Variants in GRID2 observed in about 807,000 individuals in gnomAD.
GRID2 encodes glutamate receptor ionotropic, delta-2.
In GRID2, 33 loss-of-function variants were observed where a neutral mutation model predicts 114.8. The observed-to-expected ratio is 0.29, with a 90% CI of 0.22 to 0.38. GRID2 has a LOEUF of 0.38. Among genes scored for constraint, GRID2 ranks in the 10% least tolerant of loss-of-function variants. The pLI, the probability that GRID2 is intolerant of heterozygous loss-of-function variation, is 1.00. For synonymous variants in GRID2, 505 were observed against 449.9 expected (o/e 1.12, Z -1.55); for missense variants, 1,184 against 1,257.7 (o/e 0.94, Z 0.89).
chr4:93,759,701 G>A (rs1031885172), intron 14 of GRID2, among the ~76,000 whole-genome samples: 7 of 152,126 alleles, frequency 4.6e-5, no homozygotes, highest in Admixed American at 2.6e-4. Context: ...CCATGATAAT[G>A]AATTCATCTG....
chr4:92,696,253 G>A (rs1328422736), intron 2 of GRID2, among the ~76,000 whole-genome samples: 1 of 152,026 alleles, frequency 6.6e-6, no homozygotes. Flanking sequence ...CATAATATGG[G>A]GAATAATAAG....
At chr4:93,409,418 A>C (rs1465193335) in intron 9 of GRID2, among the ~76,000 whole-genome samples, 1 of 152,142 alleles carries the variant, frequency 6.6e-6, no homozygotes, top group Non-Finnish European at 1.5e-5. Flanking sequence ...TAGGTAAGGG[A>C]AAGTCAGATC....
chr4:92,321,009 T>C (rs1377256830), intron 1 of GRID2, among the ~76,000 whole-genome samples: 3 of 152,198 alleles, frequency 2.0e-5, no homozygotes, highest in Non-Finnish European at 4.4e-5. Flanking sequence ...ATAATTTCTT[T>C]TATAGTTTCA....
intron 4 of GRID2, among the ~76,000 whole-genome samples, chr4:93,147,720 A>G (rs994996595): frequency 6.6e-6 from 1 of 152,186 alleles, no homozygotes; most frequent in East Asian, 1.9e-4. Flanking sequence ...TGTCTTCTCT[A>G]TAGGATCTTA....
chr4:92,464,567 CT>C (rs2149090449), intron 1 of GRID2, among the ~76,000 whole-genome samples: 1 of 151,994 alleles, frequency 6.6e-6, no homozygotes, highest in Admixed American at 6.6e-5. Flanking sequence ...AGTTTTAAGA[CT>C]TTCAAAAATC....
intron 2 of GRID2, among the ~76,000 whole-genome samples, chr4:92,605,113 T>C (rs1414765664): frequency 1.3e-5 from 2 of 152,096 alleles, no homozygotes; most frequent in Non-Finnish European, 2.9e-5. Flanking sequence ...TTCCCAGCCA[T>C]GCTGAACTGT....
chr4:92,686,867 C>G (rs1272274026), intron 2 of GRID2, among the ~76,000 whole-genome samples: 1 of 152,042 alleles, frequency 6.6e-6, no homozygotes, highest in African/African-American at 2.4e-5. Context: ...AAGTAGATCA[C>G]AGGTTTAATA....
chr4:92,543,740 A>G (rs1286423789), intron 1 of GRID2, among the ~76,000 whole-genome samples: 2 of 152,172 alleles, frequency 1.3e-5, no homozygotes, highest in Non-Finnish European at 2.9e-5. Flanking sequence ...TTAACATTTT[A>G]TGTTGGTACA....
At chr4:92,357,682 G>T (rs556341535) in intron 1 of GRID2, among the ~76,000 whole-genome samples, 46 of 151,814 alleles carry the variant, frequency 3.0e-4, no homozygotes, top group Middle Eastern at 6.8e-3. Flanking sequence ...ATAATAAAAA[G>T]ATTAATTAAA....
chr4:92,360,589 G>T (rs1728568696), intron 1 of GRID2, among the ~76,000 whole-genome samples: 1 of 152,034 alleles, frequency 6.6e-6, no homozygotes, highest in Non-Finnish European at 1.5e-5. Flanking sequence ...ACAAGTGAAA[G>T]TAGAGTCACA....
chr4:92,987,672 T>C (rs1034992274), intron 2 of GRID2, among the ~76,000 whole-genome samples: 1 of 152,044 alleles, frequency 6.6e-6, no homozygotes, highest in South Asian at 2.1e-4. Context: ...GTAATTATAG[T>C]TTTTTCTTCT....
At chr4:93,703,182 A>G (rs1459851502) in intron 14 of GRID2, among the ~76,000 whole-genome samples, 4 of 152,086 alleles carry the variant, frequency 2.6e-5, no homozygotes, top group Non-Finnish European at 5.9e-5. Context: ...CCTATTGTAA[A>G]TTGCTAGCTA....
At chr4:93,085,392 G>T (rs1342203330) in intron 3 of GRID2, 113 bp downstream of exon 3, 1 of 817,120 alleles carries the variant, frequency 1.2e-6, no homozygotes, top group Non-Finnish European at 2.0e-6. Context: ...TGGTTTTCTT[G>T]TCTTGTCATA....
intron 1 of GRID2, among the ~76,000 whole-genome samples, chr4:92,412,706 A>G (rs1730539238): frequency 6.6e-6 from 1 of 152,198 alleles, no homozygotes; most frequent in South Asian, 2.1e-4. Context: ...TAGCATTTCT[A>G]TTAGCCCATC....
chr4:93,682,089 TAACA>T, intron 14 of GRID2, among the ~76,000 whole-genome samples: 1 of 151,054 alleles, frequency 6.6e-6, no homozygotes, highest in African/African-American at 2.5e-5. Context: ...TACAAGAAAA[TAACA>T]AACAACCCCA....
At chr4:92,542,302 G>GA (rs1160908012) in intron 1 of GRID2, among the ~76,000 whole-genome samples, 19 of 149,900 alleles carry the variant, frequency 1.3e-4, no homozygotes, top group South Asian at 6.3e-4. Context: ...GGAGGAAAAA[G>GA]AAAAAAAAAG....
intron 2 of GRID2, among the ~76,000 whole-genome samples, chr4:92,727,871 C>G (rs1259371965): frequency 6.6e-6 from 1 of 152,058 alleles, no homozygotes; most frequent in South Asian, 2.1e-4. Flanking sequence ...CTCACTGATC[C>G]ATATGAACCC....
At chr4:92,976,525 T>C (rs1385364860) in intron 2 of GRID2, among the ~76,000 whole-genome samples, 5 of 152,108 alleles carry the variant, frequency 3.3e-5, no homozygotes. Flanking sequence ...TTATGATCAA[T>C]TTTAATTTTA....
At chr4:92,726,408 T>C (rs904026802) in intron 2 of GRID2, among the ~76,000 whole-genome samples, 6 of 152,142 alleles carry the variant, frequency 3.9e-5, no homozygotes, top group Admixed American at 3.3e-4. Flanking sequence ...TTGGGACTTC[T>C]GTCATATATA....
Sources: gnomAD v4.1 joint callset for allele counts (sites outside exome capture counted in the v4.1 genomes callset) on GRCh38, gnomAD v4.1.1 for gene constraint, MANE v1.5 for transcripts, NCBI Gene and HGNC (gene_info 2026-07-23, HGNC 2026-07-21) for gene names.